The following CDHR2 variants were observed in gnomAD, a reference collection of about 807,000 sequenced individuals.
CDHR2 encodes the protein cadherin related family member 2, also known as cadherin-related family member 2.
CDHR2 carries 104 observed loss-of-function variants against 138.6 expected under a neutral mutation model. The observed-to-expected ratio is 0.75, with a 90% CI of 0.64 to 0.88. The LOEUF (loss-of-function observed/expected upper bound fraction) is 0.88. CDHR2 is among the 40% of genes least tolerant of loss of function. CDHR2 has a pLI of 0.00. For synonymous variants in CDHR2, 755 were observed against 742.8 expected (o/e 1.02, Z -0.27); for missense variants, 1,624 against 1,727.6 (o/e 0.94, Z 1.06).
chr5:176,588,967 C>T, intron 21 of CDHR2, 64 bp from the exon 22 acceptor site: 1 of 1,577,226 alleles, frequency 6.3e-7, no homozygotes, highest in Non-Finnish European at 8.7e-7. Flanking sequence ...CCTCTGATCC[C>T]TGCTGGGGTG....
chr5:176,587,472 A>G (rs943211287), intron 21 of CDHR2, among the ~76,000 whole-genome samples: 49 of 152,142 alleles, frequency 3.2e-4, no homozygotes, highest in African/African-American at 1.1e-3. Context: ...TAAATAAATA[A>G]ATTATTGGAG....
At chr5:176,547,977 T>C (rs1757621527), upstream of CDHR2, among the ~76,000 whole-genome samples, 2 of 152,186 alleles carry the variant, frequency 1.3e-5, no homozygotes, top group African/African-American at 2.4e-5. Context: ...AATTTCGTCA[T>C]TGTGTGAACA....
intron 31 of CDHR2, among the ~76,000 whole-genome samples, chr5:176,593,064 C>T (rs1758927523): frequency 6.6e-6 from 1 of 152,142 alleles, no homozygotes; most frequent in African/African-American, 2.4e-5. Flanking sequence ...TAAATAAGGG[C>T]AGGCATAAGA....
chr5:176,586,676 G>C, intron 20 of CDHR2, 117 bp from the exon 21 acceptor site: 1 of 860,002 alleles, frequency 1.2e-6, no homozygotes, highest in Non-Finnish European at 1.9e-6. Flanking sequence ...GTCTCTTTTG[G>C]TAGAGAGGTT....
Position 176,575,735 on chromosome 5 carries a change from C to A in CDHR2, c.856C>A (p.Pro286Thr). 1.3e-6 allele frequency: 2 copies of A among 1,575,600 alleles called. No individual in the cohort carries two copies. Among genetic ancestry groups the A allele is most frequent in the Non-Finnish European group, 1.7e-6 (2 of 1,160,066 alleles). Residue 286 changes from proline (P) to threonine (T), a missense_variant, in exon 11 of 32, where the codon CCC becomes ACC. Physicochemically the swap from Pro to Thr is conservative, Grantham distance 38. Transcript: ENST00000261944. Reference protein sequence around the residue: ...VIYSISYSTRPGWFDIGADGV... With the variant: ...VIYSISYSTRTGWFDIGADGV... ...TTTCTCCTTGCCAGACTCCACGCGG[C>A]CCGGCTGGTTTGACATCGGGGCAGA... is the stretch of plus-strand genomic sequence containing the variant.
rs12517611 is a variant in CDHR2, at chr5:176,594,980, A to T, written c.3793-552A>T. On this transcript the variant is annotated intron_variant, in intron 31 of 31. Coordinates refer to ENST00000261944, the MANE Select transcript of CDHR2 (RefSeq NM_017675.6). ...CAGCGTCCCTCTGAGGGCAGCAAAAAGAGACGTCAAATTCAACCAGGGCAG... is the reference window on the plus strand; with the variant it reads ...CAGCGTCCCTCTGAGGGCAGCAAAATGAGACGTCAAATTCAACCAGGGCAG... Among the ~76,000 whole-genome samples, 402 of 151,908 alleles carry T rather than the reference A, an allele frequency of 2.6e-3. 1 individual carries two copies. Among genetic ancestry groups the T allele is most frequent in the African/African-American group, 8.4e-3 (347 of 41,488 alleles).
chr5:176,562,249 A>G lies in CDHR2; in HGVS notation c.-15-3089A>G, dbSNP rs78855919. Among the ~76,000 whole-genome samples the G allele has an allele frequency of 6.2e-3, 939 of 152,106 alleles. 13 individuals carry two copies. Among genetic ancestry groups the G allele is most frequent in the African/African-American group, 0.022 (897 of 41,462 alleles). On this transcript the variant is annotated intron_variant, in intron 1 of 31. Transcript: ENST00000261944. ...TTTGGTTGAGTGGGATGGATTAGAG[A>G]GGCTGGAGGAAGGGAGGCCTTGAGG...
intron 20 of CDHR2, 27 bp from the exon 21 acceptor site, chr5:176,586,766 T>C: frequency 6.3e-7 from 1 of 1,593,328 alleles, no homozygotes; most frequent in Non-Finnish European, 8.6e-7. Context: ...CCGACCCCGC[T>C]GACCCCGTTC....
Position 176,595,746 on chromosome 5 carries a change from G to T in CDHR2, c.*74G>T. The T allele has an allele frequency of 7.4e-7, 1 of 1,360,112 alleles. No individual in the cohort carries two copies. The highest frequency in any genetic ancestry group is 1.5e-5 in the African/African-American group (1 of 67,262). The allele number at this position is 1,360,112 out of a possible 1,614,324, so 84.3% of individuals were successfully genotyped here. ...TAACTGCACCTGTCTCCCTGGAGAT[G>T]AAAATATATGACGCTGCCCTGCCTC... On this transcript the variant is annotated 3_prime_UTR_variant, in exon 32 of 32. Coordinates refer to ENST00000261944, the MANE Select transcript of CDHR2 (RefSeq NM_017675.6).
In CDHR2 at chr5:176,581,422, T is replaced by C; in HGVS notation, c.1898T>C (p.Phe633Ser). The C allele has an allele frequency of 3.1e-6, 5 of 1,614,074 alleles. No homozygotes were observed. The highest frequency in any genetic ancestry group is 4.2e-6 in the Non-Finnish European group (5 of 1,180,008). ...NLLPGPYSHN[F>S]SLDPDTGLLR... ...CTGCCTGGCCCCTACAGCCACAACT[T>C]CTCCTTGGACCCTGACACAGGGCTC... Residue 633 changes from phenylalanine (F) to serine (S), a missense_variant, in exon 17 of 32, where the codon TTC (phenylalanine) becomes TCC (serine). Transcript: ENST00000261944.
chr5:176,546,961 C>T (rs566681955), upstream of CDHR2, among the ~76,000 whole-genome samples: 8 of 140,984 alleles, frequency 5.7e-5, no homozygotes, highest in South Asian at 2.4e-4. Flanking sequence ...CCTGGCTATA[C>T]GCAAAGTGGT....
chr5:176,581,875 G>C (rs931592657), intron 17 of CDHR2, among the ~76,000 whole-genome samples: 1 of 152,220 alleles, frequency 6.6e-6, no homozygotes, highest in Admixed American at 6.5e-5. Context: ...CACTCATAAA[G>C]TCCCACCTGA....
intron 21 of CDHR2, among the ~76,000 whole-genome samples, chr5:176,587,863 A>C (rs755460571): frequency 1.3e-4 from 20 of 152,218 alleles, no homozygotes; most frequent in Non-Finnish European, 2.6e-4. Flanking sequence ...TGCTAGAGAC[A>C]GTGACTGTGT....
At chr5:176,580,764 C>T (rs1028559681) in intron 16 of CDHR2, among the ~76,000 whole-genome samples, 1 of 151,992 alleles carries the variant, frequency 6.6e-6, no homozygotes, top group African/African-American at 2.4e-5. Context: ...GTAATCCCAG[C>T]TACTTAGGAG....
chr5:176,591,322 C>T lies in CDHR2; in HGVS notation c.3652C>T (p.Arg1218Ter), dbSNP rs760896613. 1.9e-5 allele frequency: 31 copies of T among 1,612,250 alleles called. No individual in the cohort carries two copies. The highest frequency in any genetic ancestry group is 5.3e-5 in the African/African-American group (4 of 74,888). Residue 1218 changes from arginine to a stop codon, truncating the protein, a stop_gained and splice_region_variant, in exon 29 of 32, where the codon CGA becomes TGA. Coordinates refer to ENST00000261944, the MANE Select transcript of CDHR2 (RefSeq NM_017675.6). LOFTEE classifies it high-confidence loss of function. The stretch of plus-strand genomic sequence containing the variant: ...AGGGACTAACATGTACAACACTGAG[C>T]GGTGAGCAGGGGTCAAAGGGTAGGT... ...IPGTNMYNTE[R>*]ANPMLNLPNK...
chr5:176,580,528 C>CAAAA (rs35346478), intron 16 of CDHR2, among the ~76,000 whole-genome samples: 32 of 87,398 alleles, frequency 3.7e-4, no homozygotes, highest in African/African-American at 1.2e-3. Context: ...GACTCCACCT[C>CAAAA]AAAAAAAAAA....
At chr5:176,557,174 C>T (rs1156839668) in intron 1 of CDHR2, among the ~76,000 whole-genome samples, 2 of 137,888 alleles carry the variant, frequency 1.5e-5, no homozygotes, top group Non-Finnish European at 3.1e-5. Context: ...CACCATGGCG[C>T]CTGGCCTGTT....
chr5:176,578,648 G>C (rs1288776975), intron 16 of CDHR2, 40 bp downstream of exon 16: 2 of 1,601,246 alleles, frequency 1.2e-6, no homozygotes, highest in South Asian at 2.2e-5. Context: ...GGCTGGGGGA[G>C]GGGACCAAGC....
intron 1 of CDHR2, among the ~76,000 whole-genome samples, chr5:176,555,151 AAAT>A (rs1757793463): frequency 6.6e-6 from 1 of 152,196 alleles, no homozygotes; most frequent in Non-Finnish European, 1.5e-5. Flanking sequence ...CCATGATTAT[AAAT>A]AATCACTCAC....
Sources: allele counts gnomAD v4.1 joint callset (sites outside exome capture counted in the v4.1 genomes callset), GRCh38; gene constraint gnomAD v4.1.1; transcripts MANE v1.5; gene names NCBI Gene and HGNC (gene_info 2026-07-23, HGNC 2026-07-21).